Variants in CADPS2 observed in about 807,000 individuals in gnomAD.
CADPS2 encodes calcium-dependent secretion activator 2.
CADPS2 carries 93 observed loss-of-function variants against 172.5 expected under a neutral mutation model. That is an observed-to-expected ratio of 0.54 (90% CI 0.46 to 0.64). CADPS2 has a LOEUF of 0.64. Among genes scored for constraint, CADPS2 ranks in the 30% least tolerant of loss-of-function variants. CADPS2 has a pLI of 0.00. For synonymous variants in CADPS2, 546 were observed against 555.2 expected (o/e 0.98, Z 0.23); for missense variants, 1,420 against 1,565.9 (o/e 0.91, Z 1.57).
At chr7:122,482,024 G>A (rs73431600) in intron 11 of CADPS2, among the ~76,000 whole-genome samples, 5,819 of 152,092 alleles carry the variant, frequency 0.038, 158 homozygotes, top group African/African-American at 0.063. Context: ...GGCAGACTCT[G>A]TCTAAAAAAA....
intron 1 of CADPS2, among the ~76,000 whole-genome samples, chr7:122,840,530 T>C (rs947020073): frequency 6.9e-6 from 1 of 145,118 alleles, no homozygotes; most frequent in Admixed American, 7.1e-5. Flanking sequence ...ATTTTTTAAT[T>C]AAACACTTTC....
intron 1 of CADPS2, among the ~76,000 whole-genome samples, chr7:122,838,884 C>T (rs564814329): frequency 1.3e-5 from 2 of 152,294 alleles, no homozygotes; most frequent in East Asian, 3.9e-4. Flanking sequence ...ATGCCCTCCC[C>T]ATCAAGTTAC....
chr7:122,813,797 ATTATAT>A (rs1265905687), intron 1 of CADPS2, among the ~76,000 whole-genome samples: 7 of 152,228 alleles, frequency 4.6e-5, no homozygotes, highest in African/African-American at 1.2e-4. Context: ...TAATGAATAG[ATTATAT>A]TTATTTTTAA....
chr7:122,484,865 G>A (rs896153261), intron 11 of CADPS2, among the ~76,000 whole-genome samples: 1 of 152,058 alleles, frequency 6.6e-6, no homozygotes, highest in Non-Finnish European at 1.5e-5. Context: ...CAAGTCCATG[G>A]TGTCACTTTT....
chr7:122,877,036 A>G (rs1821393722), intron 1 of CADPS2, among the ~76,000 whole-genome samples: 2 of 152,174 alleles, frequency 1.3e-5, no homozygotes, highest in African/African-American at 4.8e-5. Context: ...TTAAAAGTAC[A>G]GGAAACTCAG....
At chr7:122,541,707 A>G (rs1317517436) in intron 8 of CADPS2, among the ~76,000 whole-genome samples, 1 of 145,400 alleles carries the variant, frequency 6.9e-6, no homozygotes, top group Non-Finnish European at 1.5e-5. Flanking sequence ...TTATATATTC[A>G]TATATTTACA....
chr7:122,620,288 G>C (rs182613984), intron 5 of CADPS2, among the ~76,000 whole-genome samples: 1 of 152,052 alleles, frequency 6.6e-6, no homozygotes, highest in East Asian at 1.9e-4. Flanking sequence ...ATTTACTCAC[G>C]GAATAAAAAT....
intron 6 of CADPS2, among the ~76,000 whole-genome samples, chr7:122,612,399 TTGAA>T (rs2074405232): frequency 6.6e-6 from 1 of 151,850 alleles, no homozygotes; most frequent in African/African-American, 2.4e-5. Context: ...TTCTAATAAC[TTGAA>T]TGATTTAAAG....
chr7:122,736,249 T>C (rs933808422), intron 2 of CADPS2, among the ~76,000 whole-genome samples: 1 of 152,190 alleles, frequency 6.6e-6, no homozygotes, highest in African/African-American at 2.4e-5. Flanking sequence ...CATTTTCCCT[T>C]GTTTATTAGT....
chr7:122,702,034 A>T (rs766867096), intron 2 of CADPS2: 2 of 1,613,538 alleles, frequency 1.2e-6, no homozygotes, highest in Non-Finnish European at 1.7e-6. Context: ...CTCGCAGTTG[A>T]AGCTGGTCAA....
chr7:122,520,959 T>A (rs1646851697), intron 8 of CADPS2, among the ~76,000 whole-genome samples: 1 of 152,126 alleles, frequency 6.6e-6, no homozygotes, highest in Non-Finnish European at 1.5e-5. Context: ...AACTATTAAT[T>A]TTGGTGGATC....
intron 8 of CADPS2, among the ~76,000 whole-genome samples, chr7:122,547,465 C>T (rs2063742953): frequency 6.6e-6 from 1 of 152,112 alleles, no homozygotes; most frequent in South Asian, 2.1e-4. Context: ...AACAATCAGT[C>T]CACTTACAAC....
chr7:122,330,797 C>G (rs1019192225), intron 28 of CADPS2: 1 of 152,228 alleles, frequency 6.6e-6, no homozygotes, highest in Non-Finnish European at 1.5e-5. Flanking sequence ...GTCAACACAC[C>G]AGGGAAGAAC....
At chr7:122,431,558 CG>C (rs924005703) in intron 17 of CADPS2, among the ~76,000 whole-genome samples, 12 of 152,028 alleles carry the variant, frequency 7.9e-5, no homozygotes, top group Non-Finnish European at 1.3e-4. Context: ...TCGTCAAGGG[CG>C]GGGAGTGTAA....
intron 1 of CADPS2, among the ~76,000 whole-genome samples, chr7:122,771,512 G>A (rs936951710): frequency 6.6e-6 from 1 of 152,184 alleles, no homozygotes; most frequent in Admixed American, 6.5e-5. Context: ...TAAGGCATAT[G>A]ATTTTTCCTC....
chr7:122,564,945 C>A (rs968225059), intron 7 of CADPS2, among the ~76,000 whole-genome samples: 1 of 151,516 alleles, frequency 6.6e-6, no homozygotes, highest in Admixed American at 6.6e-5. Context: ...GAGCTGGAGG[C>A]CATTATCCTA....
intron 7 of CADPS2, among the ~76,000 whole-genome samples, chr7:122,556,975 C>G (rs1281503432): frequency 6.6e-6 from 1 of 152,020 alleles, no homozygotes; most frequent in Non-Finnish European, 1.5e-5. Flanking sequence ...TGGCTTCTCC[C>G]TATCATATGT....
chr7:122,766,656 G>C (rs1370312325), intron 1 of CADPS2, among the ~76,000 whole-genome samples: 1 of 152,108 alleles, frequency 6.6e-6, no homozygotes, highest in Non-Finnish European at 1.5e-5. Flanking sequence ...CTAAGAAAAG[G>C]TGTAAGTGTG....
chr7:122,797,174 A>C (rs958601136), intron 1 of CADPS2, among the ~76,000 whole-genome samples: 2 of 152,218 alleles, frequency 1.3e-5, no homozygotes, highest in African/African-American at 4.8e-5. Flanking sequence ...TATCAGTCAA[A>C]TGGCTATTAT....
Sources: allele counts gnomAD v4.1 joint callset (sites outside exome capture counted in the v4.1 genomes callset), GRCh38; gene constraint gnomAD v4.1.1; transcripts MANE v1.5; gene names NCBI Gene and HGNC (gene_info 2026-07-23, HGNC 2026-07-21).